NEK11: variants seen among roughly 807,000 people sequenced by gnomAD.
NEK11 encodes serine/threonine-protein kinase Nek11.
A neutral mutation model predicts 80.7 loss-of-function variants in NEK11; 72 were observed. The observed-to-expected ratio is 0.89, with a 90% CI of 0.74 to 1.08. The LOEUF (loss-of-function observed/expected upper bound fraction) is 1.08, where lower values mean the gene tolerates loss of function less well. Ranked by LOEUF, NEK11 falls within the 50% of genes least tolerant of loss-of-function variation. NEK11 has a pLI of 0.00. For synonymous variants in NEK11, 251 were observed against 260.7 expected, an observed-to-expected ratio of 0.96 and a Z score of 0.36; for missense variants, 764 against 763.6, an observed-to-expected ratio of 1.00 and a Z score of -0.01.
At chr3:131,110,411 T>C (rs899769154) in intron 5 of NEK11, among the ~76,000 whole-genome samples, 2 of 152,176 alleles carry the variant, frequency 1.3e-5, no homozygotes, top group African/African-American at 4.8e-5. Flanking sequence ...GGGATAAGTA[T>C]TCAGATAGAA....
chr3:131,066,070 G>T (rs72987895), intron 3 of NEK11, among the ~76,000 whole-genome samples: 3,831 of 152,214 alleles, frequency 0.025, 160 homozygotes, highest in African/African-American at 0.087. Context: ...TCATCTCTTT[G>T]ACATGTTAAC....
chr3:131,228,637 G>T lies in NEK11; in HGVS notation c.1509G>T (p.Glu503Asp), dbSNP rs752678206. ...AAGAAATAGCGTTAGAAAGACCAGA[G>T]AAAGAAATCAGGAATGAGGGATCCC... ...EEEEIALERP[E>D]KEIRNEGSQP... Residue 503 changes from glutamate to aspartate, a missense_variant, in exon 15 of 18, where the codon GAG becomes GAT. Transcript: ENST00000383366. 1.9e-6 allele frequency: 3 copies of T among 1,613,512 alleles called. No individual in the cohort carries two copies. The highest frequency in any genetic ancestry group is 2.7e-5 in the African/African-American group (2 of 74,890).
chr3:131,202,891 A>C (rs1226659651), intron 14 of NEK11, among the ~76,000 whole-genome samples: 1 of 152,256 alleles, frequency 6.6e-6, no homozygotes, highest in Non-Finnish European at 1.5e-5. Flanking sequence ...ACTATTTCAC[A>C]CCAGTTAGAA....
intron 14 of NEK11, among the ~76,000 whole-genome samples, chr3:131,222,965 G>C (rs1478511271): frequency 6.6e-6 from 1 of 152,194 alleles, no homozygotes; most frequent in African/African-American, 2.4e-5. Context: ...TTCCAGCATG[G>C]ATTTGAAACA....
At chr3:131,260,524 T>C (rs1293945431) in intron 16 of NEK11, among the ~76,000 whole-genome samples, 1 of 152,190 alleles carries the variant, frequency 6.6e-6, no homozygotes, top group African/African-American at 2.4e-5. Context: ...AACACAGCCA[T>C]GCTCATTCAT....
chr3:131,029,421 G>A (rs570567422), intron 2 of NEK11, among the ~76,000 whole-genome samples, 192 bp from the exon 3 acceptor site: 2 of 152,288 alleles, frequency 1.3e-5, no homozygotes, highest in South Asian at 2.1e-4. Context: ...AATGTACAAA[G>A]GGAGGCTCTT....
At chr3:131,152,780 A>C in intron 9 of NEK11, 71 bp downstream of exon 9, 1 of 1,063,986 alleles carries the variant, frequency 9.4e-7, no homozygotes, top group South Asian at 1.4e-5. Context: ...ACTTGAAGAT[A>C]TGCAGTGGGG....
At chr3:131,131,533 C>A (rs139932829) in intron 5 of NEK11, among the ~76,000 whole-genome samples, 8 of 152,170 alleles carry the variant, frequency 5.3e-5, no homozygotes, top group African/African-American at 1.7e-4. Flanking sequence ...CTTTTTTATT[C>A]TTTTAATGTC....
At chr3:131,241,646 A>G (rs943716147) in intron 15 of NEK11, among the ~76,000 whole-genome samples, 1 of 152,120 alleles carries the variant, frequency 6.6e-6, no homozygotes, top group Admixed American at 6.6e-5. Flanking sequence ...CTTTAATTTA[A>G]TAAATTTAAT....
intron 16 of NEK11, among the ~76,000 whole-genome samples, chr3:131,266,818 G>A (rs1156654036): frequency 6.6e-6 from 1 of 152,102 alleles, no homozygotes; most frequent in Non-Finnish European, 1.5e-5. Context: ...TATTGTGTGT[G>A]AGTCTAAGTC....
chr3:131,254,062 A>C, intron 16 of NEK11, among the ~76,000 whole-genome samples: 1 of 152,176 alleles, frequency 6.6e-6, no homozygotes, highest in Non-Finnish European at 1.5e-5. Flanking sequence ...GTAAGTTGTC[A>C]CTAATCCTGA....
rs181698163 is a variant in NEK11 at position 131,271,866 on chromosome 3, G to A, written c.1622-1612G>A. 4.3e-4 allele frequency among the ~76,000 whole-genome samples: 65 copies of A among 152,070 alleles called. No homozygotes were observed. In the East Asian group the frequency reaches 0.011, roughly 25 times the overall value. On this transcript the variant is annotated intron_variant, in intron 16 of 17. Coordinates refer to ENST00000383366, the MANE Select transcript of NEK11 (RefSeq NM_024800.5). ...AGCAGTTTGGGAGGCCGAGGTGGGC[G>A]GATCACCTGAGCTCGGGAGTTTAAG...
At chr3:131,336,664 T>C (rs535649243) in intron 17 of NEK11, among the ~76,000 whole-genome samples, 28 of 152,214 alleles carry the variant, frequency 1.8e-4, no homozygotes, top group South Asian at 6.2e-4. Context: ...AAGAAACTAC[T>C]ATCAGAGTGA....
At chr3:131,098,670 G>C (rs2077869373) in intron 4 of NEK11, among the ~76,000 whole-genome samples, 1 of 151,518 alleles carries the variant, frequency 6.6e-6, no homozygotes, top group African/African-American at 2.4e-5. Flanking sequence ...CTGCCTCCTG[G>C]GTTCAAGCGA....
chr3:131,105,607 A>G (rs923752939), intron 4 of NEK11, among the ~76,000 whole-genome samples: 18 of 152,216 alleles, frequency 1.2e-4, no homozygotes, highest in Admixed American at 1.2e-3. Flanking sequence ...ACAGGGCAGC[A>G]GGATGGAGTG....
At chr3:131,175,890 A>G (rs1457227295) in intron 14 of NEK11, among the ~76,000 whole-genome samples, 1 of 152,192 alleles carries the variant, frequency 6.6e-6, no homozygotes, top group Non-Finnish European at 1.5e-5. Flanking sequence ...GGAGATAGAA[A>G]ACAATTGGGA....
At chr3:131,246,689 A>G (rs957293177) in intron 16 of NEK11, among the ~76,000 whole-genome samples, 6 of 152,104 alleles carry the variant, frequency 3.9e-5, no homozygotes, top group Non-Finnish European at 8.8e-5. Context: ...TAATTTTCAT[A>G]CTGTTTTCCA....
intron 17 of NEK11, among the ~76,000 whole-genome samples, chr3:131,349,157 G>A (rs2110599714): frequency 6.6e-6 from 1 of 152,222 alleles, no homozygotes; most frequent in Admixed American, 6.5e-5. Context: ...TTCCTCAGAA[G>A]GATTTTCCTG....
At chr3:131,215,126 A>G (rs2094777586) in intron 14 of NEK11, among the ~76,000 whole-genome samples, 1 of 152,082 alleles carries the variant, frequency 6.6e-6, no homozygotes, top group African/African-American at 2.4e-5. Context: ...TAGTGATATT[A>G]TTCTCAAAGT....
Sources: allele counts gnomAD v4.1 joint callset (sites outside exome capture counted in the v4.1 genomes callset), GRCh38; gene constraint gnomAD v4.1.1; transcripts MANE v1.5; gene names NCBI Gene and HGNC (gene_info 2026-07-23, HGNC 2026-07-21).